Variants in ZC3H12B observed in about 807,000 individuals in gnomAD.
ZC3H12B encodes the protein zinc finger CCCH-type containing 12B.
A neutral mutation model predicts 43.9 loss-of-function variants in ZC3H12B; 7 were observed. The observed-to-expected ratio is 0.16, with a 90% confidence interval of 0.09 to 0.30. The LOEUF is 0.30. Ranked by LOEUF, ZC3H12B falls within the 10% of genes least tolerant of loss-of-function variation. ZC3H12B has a pLI of 1.00. For missense variants in ZC3H12B, 475 were observed against 670.2 expected (o/e 0.71, Z 3.22); for synonymous variants, 222 against 241.7 (o/e 0.92, Z 0.76).
At chrX:65,292,062 A>T in the ZC3H12B span, among the ~76,000 whole-genome samples, 6 of 112,058 alleles carry the variant, frequency 5.4e-5, no homozygotes, top group East Asian at 1.7e-3. Context: ...AAACAGATGA[A>T]TCTGCTATTA....
At chrX:65,309,548 G>A in the ZC3H12B span, among the ~76,000 whole-genome samples, 1 of 111,815 alleles carries the variant, frequency 8.9e-6, no homozygotes, top group Admixed American at 9.5e-5. Context: ...TGGATTCACA[G>A]CTGAATTCTA....
chrX:65,261,543 C>T, the ZC3H12B span, among the ~76,000 whole-genome samples: 3 of 110,778 alleles, frequency 2.7e-5, no homozygotes, highest in Middle Eastern at 0.014. Context: ...TACATCCATA[C>T]CACTGCTGGC....
At chrX:65,315,976 C>A in the ZC3H12B span, among the ~76,000 whole-genome samples, 11 of 111,359 alleles carry the variant, frequency 9.9e-5, no homozygotes, top group African/African-American at 2.9e-4. Flanking sequence ...AAGAAAGAAC[C>A]AAACTGATCT....
the ZC3H12B span, among the ~76,000 whole-genome samples, chrX:65,211,088 G>GA: frequency 0.056 from 3,558 of 63,307 alleles, 155 homozygotes; most frequent in African/African-American, 0.11. Context: ...AAAAAAGAAA[G>GA]AAAAAAAAAA....
chrX:65,383,120 A>C (rs2066467556), intron 2 of ZC3H12B, among the ~76,000 whole-genome samples: 1 of 111,736 alleles, frequency 8.9e-6, no homozygotes, highest in Non-Finnish European at 1.9e-5. Context: ...GTTCATATGG[A>C]ACCAAAAAAG....
At chrX:65,166,036 T>TTTTC in the ZC3H12B span, among the ~76,000 whole-genome samples, 13 of 110,760 alleles carry the variant, frequency 1.2e-4, no homozygotes, top group Non-Finnish European at 1.9e-4. Flanking sequence ...TTGTATTTCT[T>TTTTC]TTTCTTTCTT....
At chrX:65,037,674 T>G in the ZC3H12B span, among the ~76,000 whole-genome samples, 3 of 111,335 alleles carry the variant, frequency 2.7e-5, no homozygotes, top group Non-Finnish European at 5.7e-5. Context: ...GACAGTTATA[T>G]TCTAAGTGTT....
chrX:65,382,008 G>C (rs762805143), intron 2 of ZC3H12B, among the ~76,000 whole-genome samples: 2 of 111,494 alleles, frequency 1.8e-5, no homozygotes, highest in Non-Finnish European at 3.8e-5. Context: ...ATTCACAGCC[G>C]ATTCTACCAG....
the ZC3H12B span, among the ~76,000 whole-genome samples, chrX:65,046,866 A>G: frequency 4.5e-5 from 5 of 111,037 alleles, no homozygotes; most frequent in Non-Finnish European, 9.5e-5. Context: ...CATGATTTCA[A>G]TATTGTTATG....
At chrX:65,189,721 C>T in the ZC3H12B span, among the ~76,000 whole-genome samples, 145 of 108,675 alleles carry the variant, frequency 1.3e-3, no homozygotes, top group African/African-American at 3.4e-3. Context: ...GAGTAGGTTG[C>T]GAAAATTTTC....
chrX:65,207,139 C>T, the ZC3H12B span, among the ~76,000 whole-genome samples: 1,352 of 108,937 alleles, frequency 0.012, 13 homozygotes, highest in Middle Eastern at 0.047. Flanking sequence ...TCATTTGATC[C>T]AGCAATCTCA....
chrX:65,212,042 A>G, the ZC3H12B span, among the ~76,000 whole-genome samples: 2 of 64,231 alleles, frequency 3.1e-5, no homozygotes, highest in South Asian at 9.4e-4. Flanking sequence ...TGTATAATGT[A>G]TAATATATAA....
the ZC3H12B span, among the ~76,000 whole-genome samples, chrX:65,281,550 A>T: frequency 1.8e-5 from 2 of 112,316 alleles, no homozygotes; most frequent in Non-Finnish European, 3.8e-5. Context: ...TCTTTGACAA[A>T]TGTTTCACAA....
the ZC3H12B span, among the ~76,000 whole-genome samples, chrX:65,263,153 G>T: frequency 9.0e-6 from 1 of 111,148 alleles, no homozygotes; most frequent in Non-Finnish European, 1.9e-5. Context: ...TATGCATGAG[G>T]TTCATTTGTA....
chrX:65,338,466 C>A, the ZC3H12B span, among the ~76,000 whole-genome samples: 1 of 112,051 alleles, frequency 8.9e-6, no homozygotes, highest in African/African-American at 3.2e-5. Flanking sequence ...TCTACTGAAA[C>A]TATTCCAATA....
Position 65,460,545 on chromosome X carries a change from A to C in ZC3H12B, n.408-28101A>C, listed in dbSNP as rs920118349. Among the ~76,000 whole-genome samples, 6 of 111,862 alleles carry C rather than the reference A, an allele frequency of 5.4e-5. 1 individual carries two copies. Among genetic ancestry groups the C allele is most frequent in the African/African-American group, 2.0e-4 (6 of 30,724 alleles). ...AATGGCACAGAACAGAGCCCTCAGA[A>C]ATAGTACCACATATCTACAACAATC... On this transcript the variant is annotated intron_variant and non_coding_transcript_variant, in intron 3 of 5. Coordinates refer to the ZC3H12B transcript ENST00000617377.
the ZC3H12B span, among the ~76,000 whole-genome samples, chrX:65,352,370 A>G: frequency 9.0e-6 from 1 of 110,818 alleles, no homozygotes; most frequent in Non-Finnish European, 1.9e-5. Flanking sequence ...AATGTAGGTG[A>G]CGTGTTGATT....
chrX:65,253,188 G>A, the ZC3H12B span, among the ~76,000 whole-genome samples: 3 of 111,979 alleles, frequency 2.7e-5, no homozygotes, highest in Non-Finnish European at 3.8e-5. Flanking sequence ...TCTTCAGAGA[G>A]GAGTCATTGA....
intron 3 of ZC3H12B, among the ~76,000 whole-genome samples, chrX:65,468,489 T>C (rs1362791985): frequency 6.9e-5 from 7 of 101,408 alleles, no homozygotes; most frequent in Non-Finnish European, 6.0e-5. Context: ...TTCTTTCTTT[T>C]TTTTTTTTTT....
Sources: gnomAD v4.1 joint callset for allele counts (sites outside exome capture counted in the v4.1 genomes callset) on GRCh38, gnomAD v4.1.1 for gene constraint, MANE v1.5 for transcripts, NCBI Gene and HGNC (gene_info 2026-07-23, HGNC 2026-07-21) for gene names.